Variants in HS1BP3 observed in about 807,000 individuals in gnomAD.
HS1BP3 encodes the protein HCLS1-binding protein 3.
In HS1BP3, 32 loss-of-function variants were observed where a neutral mutation model predicts 33.5. The observed-to-expected ratio is 0.95, with a 90% confidence interval of 0.72 to 1.28. HS1BP3 has a LOEUF of 1.28. HS1BP3 is among the 50% of genes most tolerant of loss of function. The pLI is 0.00. For synonymous variants in HS1BP3, 187 were observed against 209.2 expected (o/e 0.89, Z 0.92); for missense variants, 486 against 502.3 (o/e 0.97, Z 0.31).
intron 5 of HS1BP3, among the ~76,000 whole-genome samples, chr2:20,578,390 T>C (rs1268105909): frequency 6.6e-6 from 1 of 152,168 alleles, no homozygotes; most frequent in Non-Finnish European, 1.5e-5. Flanking sequence ...CTCTGGGCTG[T>C]CCTCTGAAAA....
At chr2:20,637,547 G>T (rs1158275362) in intron 4 of HS1BP3, 1 of 152,270 alleles carries the variant, frequency 6.6e-6, no homozygotes, top group African/African-American at 2.4e-5. Context: ...CCCTTTCCCA[G>T]TGCAAATCCT....
At chr2:20,570,279 C>T (rs1006051810) in intron 5 of HS1BP3, among the ~76,000 whole-genome samples, 1 of 152,198 alleles carries the variant, frequency 6.6e-6, no homozygotes, top group Non-Finnish European at 1.5e-5. Flanking sequence ...AAACATTTTT[C>T]CAACTTTATA....
intron 2 of HS1BP3, among the ~76,000 whole-genome samples, chr2:20,644,449 A>G (rs1695455533): frequency 6.6e-6 from 1 of 152,182 alleles, no homozygotes; most frequent in Non-Finnish European, 1.5e-5. Context: ...CCTACATCTC[A>G]GGCCTGAGCT....
chr2:20,569,954 T>C (rs942565956), intron 5 of HS1BP3, among the ~76,000 whole-genome samples: 4 of 152,232 alleles, frequency 2.6e-5, no homozygotes, highest in South Asian at 4.1e-4. Context: ...TGGTCATTCA[T>C]AGGAGTCCCT....
At chr2:20,624,982 G>T in intron 4 of HS1BP3, 90 bp from the exon 5 acceptor site, 1 of 1,459,946 alleles carries the variant, frequency 6.8e-7, no homozygotes, top group South Asian at 1.2e-5. Flanking sequence ...GGGCCCTGCA[G>T]TGGAGGGGCT....
chr2:20,616,554 G>C (rs913909365), downstream of HS1BP3, among the ~76,000 whole-genome samples: 1 of 152,150 alleles, frequency 6.6e-6, no homozygotes, highest in African/African-American at 2.4e-5. Flanking sequence ...AGACAGAAAG[G>C]GGTCCTCTTT....
downstream of HS1BP3, among the ~76,000 whole-genome samples, chr2:20,616,707 G>A (rs1295700031): frequency 6.6e-6 from 1 of 152,150 alleles, no homozygotes; most frequent in Non-Finnish European, 1.5e-5. Flanking sequence ...CAGCCTGGGT[G>A]ACTGGGGCAG....
chr2:20,565,220 T>C (rs1383683895), intron 5 of HS1BP3, among the ~76,000 whole-genome samples: 5 of 152,136 alleles, frequency 3.3e-5, no homozygotes, highest in Non-Finnish European at 7.3e-5. Context: ...CGGCTGTGTA[T>C]AGGGGATAAA....
chr2:20,599,261 C>T lies in HS1BP3; in HGVS notation c.179-996G>A, dbSNP rs958063793. ...CAGGGGGAGTGAGGACACAGCAGTACCCACAGGTCCCACTCTTCCTCCCTT... is the reference window on the plus strand; with the variant it reads ...CAGGGGGAGTGAGGACACAGCAGTATCCACAGGTCCCACTCTTCCTCCCTT... On this transcript the variant is annotated intron_variant, in intron 2 of 3. Transcript: ENST00000415264. Among the ~76,000 whole-genome samples the T allele has an allele frequency of 2.6e-5, 4 of 152,228 alleles. No individual in the cohort carries two copies. In the East Asian group the frequency reaches 5.8e-4, roughly 22 times the overall value.
Position 20,568,188 on chromosome 2 carries a change from C to T in HS1BP3, c.303-7673G>A, listed in dbSNP as rs1693181263. 2.6e-5 allele frequency among the ~76,000 whole-genome samples: 4 copies of T among 152,160 alleles called. No homozygotes were observed. The South Asian group carries it at 8.3e-4, about 32-fold the overall frequency. On this transcript the variant is annotated intron_variant, in intron 5 of 5. Transcript: ENST00000446825. ...TCAGTTCTAGCAGGAGAAAGAGCCT[C>T]ACAGGAGGAGAAAGGTGGTGCTGGG...
intron 2 of HS1BP3, among the ~76,000 whole-genome samples, chr2:20,601,462 C>T (rs1694066783): frequency 6.6e-6 from 1 of 152,118 alleles, no homozygotes; most frequent in Non-Finnish European, 1.5e-5. Context: ...GTGACCCCAC[C>T]CATATCTCAT....
chr2:20,592,597 C>T (rs528625865), downstream of HS1BP3: 3 of 156,172 alleles, frequency 1.9e-5, no homozygotes, highest in Admixed American at 2.0e-4. Context: ...AACTGGATGG[C>T]TTGAAAAGTC....
At chr2:20,579,600 C>G (rs1693484621) in intron 5 of HS1BP3, among the ~76,000 whole-genome samples, 1 of 152,200 alleles carries the variant, frequency 6.6e-6, no homozygotes, top group African/African-American at 2.4e-5. Context: ...TGTTTTCTCC[C>G]TAGTCCTCCA....
intron 5 of HS1BP3, among the ~76,000 whole-genome samples, chr2:20,562,100 G>A (rs1196693175): frequency 6.6e-6 from 1 of 152,166 alleles, no homozygotes. Context: ...AGGCATGGAG[G>A]CTCCATGCCC....
chr2:20,603,981 G>A (rs886727773), intron 2 of HS1BP3, among the ~76,000 whole-genome samples: 4 of 152,194 alleles, frequency 2.6e-5, no homozygotes, highest in East Asian at 3.9e-4. Flanking sequence ...GCTGGAGCTC[G>A]GTAGGAGCCC....
the HS1BP3 span, among the ~76,000 whole-genome samples, chr2:20,554,598 C>G: frequency 1.3e-5 from 2 of 151,628 alleles, no homozygotes; most frequent in Non-Finnish European, 2.9e-5. Flanking sequence ...TGGTGGGTAC[C>G]TGTAATCCAG....
intron 3 of HS1BP3, among the ~76,000 whole-genome samples, chr2:20,593,573 C>T (rs544570727): frequency 5.3e-5 from 8 of 152,214 alleles, no homozygotes; most frequent in East Asian, 3.9e-4. Flanking sequence ...TCTCATGAGG[C>T]CCCCGCACTT....
intron 1 of HS1BP3, among the ~76,000 whole-genome samples, chr2:20,649,705 G>A (rs555244543): frequency 3.9e-5 from 6 of 152,310 alleles, no homozygotes; most frequent in Admixed American, 6.5e-5. Flanking sequence ...GGGAAGGGCC[G>A]GCCTTGCTGC....
chr2:20,606,621 C>A, intron 2 of HS1BP3: 1 of 479,454 alleles, frequency 2.1e-6, no homozygotes, highest in Non-Finnish European at 4.2e-6. Context: ...AACTTTCCAG[C>A]GTCTTTCTTC....
Sources: gnomAD v4.1 joint callset for allele counts (sites outside exome capture counted in the v4.1 genomes callset) on GRCh38, gnomAD v4.1.1 for gene constraint, MANE v1.5 for transcripts, NCBI Gene and HGNC (gene_info 2026-07-23, HGNC 2026-07-21) for gene names.